Variants in EPHA6 observed in about 807,000 individuals in gnomAD.
The protein encoded by EPHA6 is ephrin type-A receptor 6.
In EPHA6, 50 loss-of-function variants were observed where a neutral mutation model predicts 112.0. The observed-to-expected ratio is 0.45, with a 90% confidence interval of 0.36 to 0.56. EPHA6 has a LOEUF of 0.56. Ranked by LOEUF, EPHA6 falls within the 20% of genes least tolerant of loss-of-function variation. The pLI is 0.00. For missense variants in EPHA6, 1,280 were observed against 1,417.4 expected (o/e 0.90, Z 1.56); for synonymous variants, 529 against 490.7 (o/e 1.08, Z -1.03).
intron 2 of EPHA6, among the ~76,000 whole-genome samples, chr3:96,876,452 G>C (rs2036957413): frequency 6.7e-6 from 1 of 149,486 alleles, no homozygotes; most frequent in Admixed American, 6.8e-5. Context: ...TACCTGCTTT[G>C]GGTCTTTCTC....
At chr3:97,524,527 T>G (rs1374720064) in intron 10 of EPHA6, among the ~76,000 whole-genome samples, 1 of 152,116 alleles carries the variant, frequency 6.6e-6, no homozygotes, top group East Asian at 1.9e-4. Flanking sequence ...CTTTACGGTT[T>G]TAGTATATTC....
chr3:97,423,502 A>G (rs2088850692), intron 6 of EPHA6, among the ~76,000 whole-genome samples: 1 of 152,182 alleles, frequency 6.6e-6, no homozygotes, highest in African/African-American at 2.4e-5. Context: ...AAAATTACAG[A>G]CAACACATAC....
chr3:96,815,277 C>T (rs751748107), intron 1 of EPHA6, among the ~76,000 whole-genome samples: 5 of 152,086 alleles, frequency 3.3e-5, no homozygotes, highest in Non-Finnish European at 7.4e-5. Flanking sequence ...CGCTAGCGGC[C>T]GTGGGACCGC....
At chr3:96,925,412 A>AT (rs1439436133) in intron 2 of EPHA6, among the ~76,000 whole-genome samples, 2 of 151,664 alleles carry the variant, frequency 1.3e-5, no homozygotes, top group African/African-American at 4.8e-5. Context: ...TTTCTTCTAG[A>AT]TTTTCTAGTT....
intron 10 of EPHA6, among the ~76,000 whole-genome samples, chr3:97,530,859 C>T (rs183546089): frequency 3.9e-5 from 6 of 152,134 alleles, no homozygotes; most frequent in South Asian, 2.1e-4. Flanking sequence ...TTAGTACCTA[C>T]ACCAAAAGGT....
intron 3 of EPHA6, among the ~76,000 whole-genome samples, chr3:97,148,331 G>T (rs1186036510): frequency 6.6e-6 from 1 of 152,016 alleles, no homozygotes; most frequent in Non-Finnish European, 1.5e-5. Flanking sequence ...AAATTGGTTG[G>T]ATGTGGTGGC....
chr3:97,137,007 A>G lies in EPHA6; in HGVS notation c.1115-89257A>G, dbSNP rs547722570. Among the ~76,000 whole-genome samples the G allele has an allele frequency of 2.6e-5, 4 of 152,298 alleles. No individual in the cohort carries two copies. The South Asian group carries it at 8.3e-4, about 32-fold the overall frequency. On this transcript the variant is annotated intron_variant, in intron 3 of 17. Coordinates refer to ENST00000389672, the MANE Select transcript of EPHA6 (RefSeq NM_001080448.3). ...GATTGTATATAATAACCTACCATCA[A>G]AAGAATTTCTACATCACCTGAAAAG...
chr3:96,943,759 G>A lies in EPHA6; in HGVS notation c.451-43571G>A, dbSNP rs111337319. On this transcript the variant is annotated intron_variant, in intron 2 of 17. Transcript: ENST00000389672. ...TGTAGTCCCAGCTACTCAGTAGGCT[G>A]AGGCAGGAGGATTGCTCGAGCCTGG... Among the ~76,000 whole-genome samples the A allele has an allele frequency of 5.1e-3, 780 of 152,306 alleles. 8 individuals are homozygous for A. The highest frequency in any genetic ancestry group is 0.017 in the African/African-American group (707 of 41,556).
intron 11 of EPHA6, among the ~76,000 whole-genome samples, chr3:97,557,530 T>C (rs2093128752): frequency 6.6e-6 from 1 of 151,958 alleles, no homozygotes. Context: ...TTTTATCTTA[T>C]ATGTTCCCGA....
intron 10 of EPHA6, among the ~76,000 whole-genome samples, chr3:97,530,029 G>A (rs1482756486): frequency 6.6e-6 from 1 of 151,724 alleles, no homozygotes; most frequent in African/African-American, 2.4e-5. Context: ...GGTGGGTGAG[G>A]GTTTTTAAAA....
At chr3:97,665,768 T>C (rs2030005732) in intron 14 of EPHA6, among the ~76,000 whole-genome samples, 2 of 152,266 alleles carry the variant, frequency 1.3e-5, no homozygotes, top group South Asian at 2.1e-4. Flanking sequence ...ATTTAAAGAA[T>C]ACACATTGGC....
chr3:97,004,181 A>G (rs1336890358), intron 3 of EPHA6, among the ~76,000 whole-genome samples: 1 of 152,118 alleles, frequency 6.6e-6, no homozygotes, highest in Non-Finnish European at 1.5e-5. Flanking sequence ...TACTGAGTCA[A>G]ATGGTATTTC....
In EPHA6 at chr3:97,242,734, G is replaced by A. The variant is rs75567256; in HGVS notation, c.1271-1218G>A. Among the ~76,000 whole-genome samples, 671 of 151,910 alleles carry A rather than the reference G, an allele frequency of 4.4e-3. 1 individual carries two copies. Among genetic ancestry groups the A allele is most frequent in the African/African-American group, 0.015 (624 of 41,496 alleles). ...AAAACTTGAATTTATTTCTAGGAGCGAATGCTAGGGAGACATTGCTTTCCA... is the reference window on the plus strand; with the variant it reads ...AAAACTTGAATTTATTTCTAGGAGCAAATGCTAGGGAGACATTGCTTTCCA... On this transcript the variant is annotated intron_variant, in intron 4 of 17. Transcript: ENST00000389672.
chr3:96,998,897 T>A (rs2043522934), intron 3 of EPHA6, among the ~76,000 whole-genome samples: 2 of 151,958 alleles, frequency 1.3e-5, no homozygotes. Context: ...GTTTAGAATT[T>A]TCACTTTGAC....
intron 12 of EPHA6, among the ~76,000 whole-genome samples, chr3:97,610,311 A>T (rs557333917): frequency 9.9e-5 from 15 of 151,744 alleles, no homozygotes; most frequent in African/African-American, 3.6e-4. Context: ...TTTCTTTGAG[A>T]GAATTTATGA....
intron 6 of EPHA6, among the ~76,000 whole-genome samples, chr3:97,443,265 C>T (rs778587795): frequency 6.8e-6 from 1 of 146,714 alleles, no homozygotes; most frequent in Non-Finnish European, 1.5e-5. Context: ...CATTAATATC[C>T]TTTTTTATAT....
chr3:97,162,779 G>A (rs1323891045), intron 3 of EPHA6, among the ~76,000 whole-genome samples: 1 of 152,108 alleles, frequency 6.6e-6, no homozygotes, highest in African/African-American at 2.4e-5. Flanking sequence ...GATTGAGAGA[G>A]CATGACTCTC....
chr3:97,594,381 C>T (rs1310820084), intron 12 of EPHA6, among the ~76,000 whole-genome samples: 1 of 152,200 alleles, frequency 6.6e-6, no homozygotes, highest in Non-Finnish European at 1.5e-5. Flanking sequence ...AAATTTGCCT[C>T]AAGCTTTCAT....
intron 3 of EPHA6, among the ~76,000 whole-genome samples, chr3:97,011,796 C>G (rs2044095058): frequency 6.6e-6 from 1 of 152,114 alleles, no homozygotes; most frequent in Non-Finnish European, 1.5e-5. Context: ...TATCCCCCAC[C>G]CGGCTCCTTC....
Sources: gnomAD v4.1 joint callset for allele counts (sites outside exome capture counted in the v4.1 genomes callset) on GRCh38, gnomAD v4.1.1 for gene constraint, MANE v1.5 for transcripts, NCBI Gene and HGNC (gene_info 2026-07-23, HGNC 2026-07-21) for gene names.